The following DPY30 variants were observed in gnomAD, a reference collection of about 807,000 sequenced individuals.
The protein encoded by DPY30 is dpy-30 histone methyltransferase complex regulatory subunit.
A neutral mutation model predicts 16.2 loss-of-function variants in DPY30; 6 were observed. The observed-to-expected ratio is 0.37, with a 90% confidence interval of 0.20 to 0.73. The LOEUF is 0.73. DPY30 is among the 30% of genes least tolerant of loss of function. The pLI is 0.51. For synonymous variants in DPY30, 39 were observed against 38.8 expected (o/e 1.00, Z -0.02); for missense variants, 73 against 113.1 (o/e 0.65, Z 1.61).
intron 3 of DPY30, among the ~76,000 whole-genome samples, chr2:32,033,205 G>A (rs1675607752): frequency 6.6e-6 from 1 of 152,044 alleles, no homozygotes; most frequent in Admixed American, 6.6e-5. Context: ...GCACTCGGGA[G>A]GCTGAGGCAG....
intron 4 of DPY30, 41 bp downstream of exon 4, chr2:32,029,553 G>T: frequency 6.2e-7 from 1 of 1,601,258 alleles, no homozygotes; most frequent in East Asian, 2.2e-5. Flanking sequence ...AATCTATTTT[G>T]CTTTCTTTAC....
chr2:32,037,005 TC>T, intron 3 of DPY30, among the ~76,000 whole-genome samples: 1 of 152,244 alleles, frequency 6.6e-6, no homozygotes, highest in East Asian at 1.9e-4. Context: ...ATAGCAAGCT[TC>T]TTTTCAGAAA....
Position 32,024,224 on chromosome 2 carries a change from T to C in DPY30, c.260A>G (p.Tyr87Cys). 6.2e-7 allele frequency: 1 copy of C among 1,612,890 alleles called. No homozygotes were observed. Among genetic ancestry groups the C allele is most frequent in the South Asian group, 1.1e-5 (1 of 90,958 alleles). Residue 87 changes from tyrosine to cysteine, a missense_variant, in exon 5 of 5, where the codon TAT becomes TGT. By Grantham distance (194) the Tyr-to-Cys change is radical (BLOSUM62 -2). Transcript: ENST00000342166. ...PPNPIEFLAS[Y>C]LLKNKAQFED... ...AAACTGTGCCTTGTTTTTTAAAAGA[T>C]AAGATGCTAGAAATTCAATGGGATT...
In DPY30 at chr2:32,039,479, C is replaced by A; in HGVS notation, c.-23G>T. ...CATGGCGGACCCTGCAAGTCACAGTCCCCGGATACCAGTCTTGGAAAACAA... is the reference window on the plus strand; with the variant it reads ...CATGGCGGACCCTGCAAGTCACAGTACCCGGATACCAGTCTTGGAAAACAA... On this transcript the variant is annotated 5_prime_UTR_variant, in exon 2 of 5. Transcript: ENST00000342166. 1 of 1,614,060 alleles carries A rather than the reference C, an allele frequency of 6.2e-7. No homozygotes were observed. The highest frequency in any genetic ancestry group is 8.5e-7 in the Non-Finnish European group (1 of 1,180,018).
intron 3 of DPY30, among the ~76,000 whole-genome samples, chr2:32,032,341 C>A (rs930691978): frequency 5.3e-5 from 8 of 152,138 alleles, no homozygotes; most frequent in African/African-American, 1.2e-4. Flanking sequence ...GCTAACTGAG[C>A]CTTTGTAAAA....
intron 3 of DPY30, among the ~76,000 whole-genome samples, chr2:32,036,685 A>G (rs1675752954): frequency 1.4e-5 from 2 of 145,498 alleles, no homozygotes; most frequent in South Asian, 2.2e-4. Context: ...AAAAAAAAAA[A>G]AGAAACCCAG....
chr2:32,023,386 A>G (rs1675226447), downstream of DPY30: 1 of 465,564 alleles, frequency 2.1e-6, no homozygotes, highest in Non-Finnish European at 4.4e-6. Flanking sequence ...TCAGCAACAC[A>G]TTGGTAGAAC....
chr2:32,039,049 T>C (rs1050431884), intron 3 of DPY30, among the ~76,000 whole-genome samples: 3 of 152,134 alleles, frequency 2.0e-5, no homozygotes, highest in Admixed American at 6.5e-5. Flanking sequence ...CCCTCAAGAA[T>C]ATGTGTTTCG....
chr2:32,039,223 T>C (rs1193514715), intron 3 of DPY30, 56 bp downstream of exon 3: 1 of 1,612,392 alleles, frequency 6.2e-7, no homozygotes, highest in African/African-American at 1.3e-5. Flanking sequence ...AGATCCCAAG[T>C]TTTCTCCAGC....
chr2:32,014,509 A>G (rs1675026311), intron 5 of DPY30, among the ~76,000 whole-genome samples: 1 of 146,950 alleles, frequency 6.8e-6, no homozygotes, highest in African/African-American at 2.5e-5. Context: ...TTTGAGACGG[A>G]GTCTCGCTCT....
At chr2:32,033,021 T>A (rs975107578) in intron 3 of DPY30, among the ~76,000 whole-genome samples, 1 of 151,298 alleles carries the variant, frequency 6.6e-6, no homozygotes, top group Non-Finnish European at 1.5e-5. Context: ...ACTTTTTTTT[T>A]AATTTTTGGC....
Position 32,024,150 on chromosome 2 carries a change from G to T in DPY30, c.*34C>A, listed in dbSNP as rs775728094. On this transcript the variant is annotated 3_prime_UTR_variant, in exon 5 of 5. Transcript: ENST00000342166. ...TGCCTCTTAATCATGTAAATCTACA[G>T]TAGCAACTAAATTTTTCTGTTCTTC... The T allele has an allele frequency of 1.9e-6, 3 of 1,600,746 alleles. No individual in the cohort carries two copies. The highest frequency in any genetic ancestry group is 2.6e-6 in the Non-Finnish European group (3 of 1,173,176).
At chr2:32,026,923 CTTT>C (rs534056939) in intron 4 of DPY30, among the ~76,000 whole-genome samples, 1 of 140,450 alleles carries the variant, frequency 7.1e-6, no homozygotes, top group Non-Finnish European at 1.6e-5. Context: ...CCTTTTTTCC[CTTT>C]TTTTTTTTTT....
Position 32,028,626 on chromosome 2 carries a change from C to A in DPY30, c.227+968G>T, listed in dbSNP as rs550803300. ...GATCATTCTGGCCAACATGGTGAAA[C>A]CCCATCACTACTAAAAATACAAAAA... is the stretch of plus-strand genomic sequence containing the variant. On this transcript the variant is annotated intron_variant, in intron 4 of 4. Transcript: ENST00000342166. 1.1e-3 allele frequency among the ~76,000 whole-genome samples: 163 copies of A among 151,752 alleles called. 1 individual carries two copies. The highest frequency in any genetic ancestry group is 3.9e-3 in the African/African-American group (161 of 41,396).
At chr2:32,023,599 T>A, downstream of DPY30, 1 of 674,894 alleles carries the variant, frequency 1.5e-6, no homozygotes, top group South Asian at 1.5e-5. Context: ...ACTATAAATG[T>A]TGATAACATT....
intron 5 of DPY30, among the ~76,000 whole-genome samples, chr2:32,014,099 A>G (rs1675019163): frequency 6.6e-6 from 1 of 152,232 alleles, no homozygotes; most frequent in Non-Finnish European, 1.5e-5. Context: ...TATTTACTGC[A>G]GCATTCAGTA....
chr2:32,024,349 A>T, intron 4 of DPY30, 93 bp from the exon 5 acceptor site: 1 of 943,258 alleles, frequency 1.1e-6, no homozygotes, highest in South Asian at 1.6e-5. Context: ...CATCTTTTTA[A>T]GTTTAATTTT....
chr2:32,033,302 T>A (rs561867194), intron 3 of DPY30, among the ~76,000 whole-genome samples: 1 of 150,076 alleles, frequency 6.7e-6, no homozygotes, highest in South Asian at 2.1e-4. Context: ...AGAAAGTCTC[T>A]GTCTCAAAAA....
chr2:32,039,063 T>C (rs545867127), intron 3 of DPY30, among the ~76,000 whole-genome samples: 68 of 152,146 alleles, frequency 4.5e-4, no homozygotes, highest in African/African-American at 1.6e-3. Flanking sequence ...TGTTTCGCAA[T>C]AAAAGTTCAA....
Sources: gnomAD v4.1 joint callset for allele counts (sites outside exome capture counted in the v4.1 genomes callset) on GRCh38, gnomAD v4.1.1 for gene constraint, MANE v1.5 for transcripts, NCBI Gene and HGNC (gene_info 2026-07-23, HGNC 2026-07-21) for gene names.